The following KCNMA1 variants were observed in gnomAD, a reference collection of about 807,000 sequenced individuals.
The protein encoded by KCNMA1 is potassium calcium-activated channel subfamily M alpha 1.
A neutral mutation model predicts 140.0 loss-of-function variants in KCNMA1; 29 were observed. The ratio of observed to expected loss-of-function variants is 0.21; its 90% CI spans 0.15 to 0.28. KCNMA1 has a LOEUF of 0.28. Ranked by LOEUF, KCNMA1 falls within the 10% of genes least tolerant of loss-of-function variation. The probability of loss-of-function intolerance (pLI) is 1.00; values close to 1 mark genes in which losing one functional copy is unlikely to be tolerated. For missense variants in KCNMA1, 880 were observed against 1,602.2 expected (o/e 0.55, Z 7.70); for synonymous variants, 612 against 611.9 (o/e 1.00, Z 0.00).
chr10:77,546,356 G>A (rs1286175023), intron 1 of KCNMA1, among the ~76,000 whole-genome samples: 4 of 142,096 alleles, frequency 2.8e-5, no homozygotes, highest in African/African-American at 5.3e-5. Context: ...CAGCCCCACC[G>A]AGAAGCCACA....
At chr10:76,934,875 C>G (rs921046813) in intron 23 of KCNMA1, among the ~76,000 whole-genome samples, 1 of 152,124 alleles carries the variant, frequency 6.6e-6, no homozygotes, top group Non-Finnish European at 1.5e-5. Context: ...TCTGCTGTCA[C>G]GGAAACTTCC....
At chr10:77,596,019 A>T (rs1443406351) in intron 1 of KCNMA1, among the ~76,000 whole-genome samples, 2 of 152,238 alleles carry the variant, frequency 1.3e-5, no homozygotes, top group Admixed American at 1.3e-4. Context: ...GCTGGGCCAC[A>T]TAAGAGACTA....
At chr10:77,566,646 C>A (rs992846979) in intron 1 of KCNMA1, among the ~76,000 whole-genome samples, 1 of 152,174 alleles carries the variant, frequency 6.6e-6, no homozygotes, top group Non-Finnish European at 1.5e-5. Context: ...AACTTGGACT[C>A]ACACCAGGAA....
At chr10:76,880,604 C>T (rs1251981448), downstream of KCNMA1, among the ~76,000 whole-genome samples, 1 of 152,202 alleles carries the variant, frequency 6.6e-6, no homozygotes, top group African/African-American at 2.4e-5. Context: ...AAGGAACACA[C>T]ATTTCAATGA....
intron 12 of KCNMA1, among the ~76,000 whole-genome samples, chr10:77,082,002 CTTTTCTTTTTTTTTTTTTTTTTTTTT>C (rs1330585919): frequency 1.9e-5 from 1 of 51,648 alleles, no homozygotes; most frequent in Non-Finnish European, 4.6e-5. Context: ...TTCTTTTTTT[CTTTTCTTTTTTTTTTTTTTTTTTTTT>C]TTTTTTTTTT....
intron 3 of KCNMA1, among the ~76,000 whole-genome samples, chr10:77,226,323 C>T (rs2051389550): frequency 6.6e-6 from 1 of 151,948 alleles, no homozygotes; most frequent in Non-Finnish European, 1.5e-5. Context: ...TTTAGCCTAC[C>T]TATTTTTCTT....
At position 77,108,227 on chromosome 10, in the gene KCNMA1, C is replaced by A; in HGVS notation, c.1223+254G>T. 7 of 1,320,224 alleles carry A rather than the reference C, an allele frequency of 5.3e-6. No homozygotes were observed. The highest frequency in any genetic ancestry group is 1.6e-5 in the South Asian group (1 of 64,320). 81.8% of individuals were successfully genotyped at this position (1,320,224 alleles called of 1,614,324 possible). On this transcript the variant is annotated intron_variant, in intron 9 of 27. Coordinates refer to ENST00000286628, the MANE Select transcript of KCNMA1 (RefSeq NM_001161352.2). The surrounding 1 kb of genome is among the most constrained non-coding windows in gnomAD (Gnocchi z 4.6). ...GGGGAGGGGCAGAATTCAGATGGCA[C>A]CTCCACAGGGACTCCTGAAAGTCAC...
intron 2 of KCNMA1, among the ~76,000 whole-genome samples, chr10:77,267,282 C>G (rs149627539): frequency 3.2e-4 from 49 of 152,258 alleles, no homozygotes; most frequent in African/African-American, 1.1e-3. Context: ...CCACTGAATT[C>G]AATTGAGGGA....
chr10:77,244,533 C>T (rs1031574279), intron 3 of KCNMA1, among the ~76,000 whole-genome samples: 6 of 152,158 alleles, frequency 3.9e-5, no homozygotes, highest in Non-Finnish European at 8.8e-5. Context: ...AGGAAGGGTG[C>T]TAATGCTCTG....
chr10:77,396,274 T>C (rs950556018), intron 2 of KCNMA1, among the ~76,000 whole-genome samples: 2 of 152,112 alleles, frequency 1.3e-5, no homozygotes, highest in Admixed American at 6.6e-5. Flanking sequence ...TTTACATAGA[T>C]TTGCCTAAAA....
intron 6 of KCNMA1, among the ~76,000 whole-genome samples, chr10:77,117,678 G>A (rs961630362): frequency 6.6e-6 from 1 of 151,930 alleles, no homozygotes; most frequent in African/African-American, 2.4e-5. Flanking sequence ...TCAATGAGAT[G>A]TGGAATTACA....
chr10:77,525,009 C>A (rs563798487), intron 1 of KCNMA1, among the ~76,000 whole-genome samples: 1 of 152,340 alleles, frequency 6.6e-6, no homozygotes, highest in African/African-American at 2.4e-5. Flanking sequence ...ACCCAACCAT[C>A]AAGATCACAG....
chr10:77,372,355 C>T (rs1391210640), intron 2 of KCNMA1, among the ~76,000 whole-genome samples: 1 of 152,220 alleles, frequency 6.6e-6, no homozygotes, highest in Non-Finnish European at 1.5e-5. Flanking sequence ...TCAGCATATG[C>T]ACATTAAATG....
chr10:77,314,728 C>A (rs1314199406), intron 2 of KCNMA1, among the ~76,000 whole-genome samples: 1 of 152,064 alleles, frequency 6.6e-6, no homozygotes, highest in African/African-American at 2.4e-5. Flanking sequence ...TGGTGCTCAC[C>A]AACTCTCTTC....
intron 5 of KCNMA1, among the ~76,000 whole-genome samples, chr10:77,165,985 G>A (rs1406159873): frequency 6.6e-6 from 1 of 152,144 alleles, no homozygotes; most frequent in Non-Finnish European, 1.5e-5. Flanking sequence ...TTGAGCTAAA[G>A]TGAGGTTGGG....
intron 1 of KCNMA1, among the ~76,000 whole-genome samples, chr10:77,434,739 G>A (rs751057060): frequency 6.6e-6 from 1 of 152,090 alleles, no homozygotes; most frequent in Non-Finnish European, 1.5e-5. Flanking sequence ...GGAGTTTTTT[G>A]GCTAGTGGGA....
chr10:77,175,007 G>C (rs912229811), intron 5 of KCNMA1, among the ~76,000 whole-genome samples: 2 of 152,146 alleles, frequency 1.3e-5, no homozygotes, highest in Admixed American at 1.3e-4. Flanking sequence ...AAAAATTCGA[G>C]AACCATCCCA....
chr10:77,112,424 C>T lies in KCNMA1; in HGVS notation c.903G>A (p.Val301=), dbSNP rs2097346967. ...TGCTGATAAATATGGAGAGCAGATT[C>T]ACCAGCTTGATGGAATTACTGTGCA... The part of the protein sequence containing the change: ...ILKTSNSIKL[V]NLLSIFISTW... The change falls in exon 7 of 28, where the codon GTG becomes GTA. Residue 301 remains valine (V), a synonymous_variant. Transcript: ENST00000286628. The T allele has an allele frequency of 6.2e-7, 1 of 1,613,762 alleles. No individual in the cohort carries two copies. Among genetic ancestry groups the T allele is most frequent in the Admixed American group, 1.7e-5 (1 of 60,010 alleles).
intron 22 of KCNMA1, among the ~76,000 whole-genome samples, chr10:76,948,652 G>C (rs2065128917): frequency 6.6e-6 from 1 of 152,174 alleles, no homozygotes; most frequent in Non-Finnish European, 1.5e-5. Context: ...AACAGGGGTT[G>C]GGGCTGAGCT....
Sources: allele counts gnomAD v4.1 joint callset (sites outside exome capture counted in the v4.1 genomes callset), GRCh38; gene constraint gnomAD v4.1.1; non-coding constraint Gnocchi (gnomAD v3.1); transcripts MANE v1.5; gene names NCBI Gene and HGNC (gene_info 2026-07-23, HGNC 2026-07-21).